RASSF3: variants seen among roughly 807,000 people sequenced by gnomAD.
RASSF3 encodes ras association domain-containing protein 3.
Under a neutral mutation model 19.9 loss-of-function variants are expected in RASSF3, and 19 were observed. The observed-to-expected ratio is 0.96, with a 90% CI of 0.67 to 1.40. RASSF3 has a LOEUF of 1.40. RASSF3 is among the 40% of genes most tolerant of loss of function. The probability of loss-of-function intolerance (pLI) is 0.00; values close to 1 mark genes in which losing one functional copy is unlikely to be tolerated. For missense variants in RASSF3, 306 were observed against 289.8 expected (o/e 1.06, Z -0.41); for synonymous variants, 110 against 104.2 (o/e 1.06, Z -0.34).
At chr12:64,677,590 A>G (rs531981617) in intron 1 of RASSF3, among the ~76,000 whole-genome samples, 1 of 152,246 alleles carries the variant, frequency 6.6e-6, no homozygotes, top group East Asian at 1.9e-4. Flanking sequence ...GCTTACTTTA[A>G]TATCTTAGAA....
chr12:64,631,565 ATG>A (rs1226989229), intron 1 of RASSF3, among the ~76,000 whole-genome samples: 85 of 151,774 alleles, frequency 5.6e-4, no homozygotes, highest in Non-Finnish European at 1.9e-4. Context: ...GTATGTATGT[ATG>A]TATGTATGTA....
At chr12:64,668,218 G>A in intron 1 of RASSF3, among the ~76,000 whole-genome samples, 1 of 151,736 alleles carries the variant, frequency 6.6e-6, no homozygotes, top group East Asian at 1.9e-4. Flanking sequence ...CACTCAGCCA[G>A]CCTGGGGCAC....
chr12:64,607,635 A>G (rs931491027), upstream of RASSF3, among the ~76,000 whole-genome samples: 31 of 152,124 alleles, frequency 2.0e-4, no homozygotes, highest in Non-Finnish European at 4.0e-4. Context: ...TCAGCCTCCC[A>G]AAATGCTGGC....
At chr12:64,680,402 G>A (rs983371806) in intron 1 of RASSF3, among the ~76,000 whole-genome samples, 3 of 151,756 alleles carry the variant, frequency 2.0e-5, no homozygotes, top group Non-Finnish European at 2.9e-5. Flanking sequence ...CAGACACCAC[G>A]CCCCGTGAGG....
intron 1 of RASSF3, among the ~76,000 whole-genome samples, chr12:64,540,200 T>C (rs575638210): frequency 1.3e-5 from 2 of 152,344 alleles, no homozygotes; most frequent in South Asian, 4.1e-4. Context: ...CAATTGGAGT[T>C]CTTTCTTAAG....
intron 2 of RASSF3, among the ~76,000 whole-genome samples, chr12:64,577,941 A>G (rs1430987062): frequency 6.6e-6 from 1 of 151,902 alleles, no homozygotes; most frequent in South Asian, 2.1e-4. Flanking sequence ...TAAAATTGCC[A>G]GGTGTGATGG....
At chr12:64,536,654 A>G (rs1868833601) in intron 1 of RASSF3, among the ~76,000 whole-genome samples, 1 of 152,258 alleles carries the variant, frequency 6.6e-6, no homozygotes, top group Admixed American at 6.5e-5. Flanking sequence ...TAAGGAATTG[A>G]AATGAATCAT....
chr12:64,603,888 G>A (rs1002369799), intron 2 of RASSF3, among the ~76,000 whole-genome samples: 23 of 151,500 alleles, frequency 1.5e-4, no homozygotes, highest in African/African-American at 5.1e-4. Context: ...TTGCTCTGTC[G>A]CCAGGCTGGA....
At chr12:64,541,828 T>G (rs1868939190), downstream of RASSF3, 1 of 395,260 alleles carries the variant, frequency 2.5e-6, no homozygotes, top group South Asian at 1.4e-4. Context: ...GAGCTCAGGT[T>G]CATTCATTGC....
intron 4 of RASSF3, among the ~76,000 whole-genome samples, chr12:64,691,964 C>T (rs1267334931): frequency 1.3e-5 from 2 of 152,182 alleles, no homozygotes; most frequent in Non-Finnish European, 2.9e-5. Context: ...TAACAAAAGT[C>T]TCCAGGCTAA....
intron 1 of RASSF3, among the ~76,000 whole-genome samples, chr12:64,656,321 C>T (rs1307168475): frequency 6.6e-6 from 1 of 152,078 alleles, no homozygotes; most frequent in South Asian, 2.1e-4. Context: ...GGGGCTGTGA[C>T]TACTAGTGGG....
intron 1 of RASSF3, among the ~76,000 whole-genome samples, chr12:64,637,761 A>G (rs1871371745): frequency 6.6e-6 from 1 of 151,674 alleles, no homozygotes; most frequent in Non-Finnish European, 1.5e-5. Context: ...AAACACTCCA[A>G]AGTGTGTGTA....
intron 1 of RASSF3, 35 bp downstream of exon 1, chr12:64,610,778 C>G (rs777691538): frequency 4.1e-6 from 6 of 1,454,950 alleles, no homozygotes. Flanking sequence ...CAGCCCGCGC[C>G]CCAGAGTTCC....
chr12:64,660,616 C>T (rs1872323244), intron 1 of RASSF3, among the ~76,000 whole-genome samples: 1 of 152,184 alleles, frequency 6.6e-6, no homozygotes, highest in Non-Finnish European at 1.5e-5. Flanking sequence ...TAGTGACTAT[C>T]ATTTGCTTTT....
intron 1 of RASSF3, among the ~76,000 whole-genome samples, chr12:64,540,988 GA>G (rs1868924376): frequency 6.6e-6 from 1 of 151,830 alleles, no homozygotes; most frequent in Non-Finnish European, 1.5e-5. Flanking sequence ...GCCCAGGCTG[GA>G]ATTTTTTTTT....
chr12:64,539,016 A>C (rs146213730), intron 1 of RASSF3, among the ~76,000 whole-genome samples: 2 of 152,352 alleles, frequency 1.3e-5, no homozygotes, highest in African/African-American at 4.8e-5. Context: ...ACTGCACTCC[A>C]GCCTGGGTGA....
At position 64,696,110 on chromosome 12, in the gene RASSF3, C is replaced by CCTCCCTCCCTCA. The variant is rs1555217637; in HGVS notation, c.*1209_*1210insACTCCCTCCCTC. On this transcript the variant is annotated 3_prime_UTR_variant, in exon 5 of 5. Coordinates refer to ENST00000542104, the MANE Select transcript of RASSF3 (RefSeq NM_178169.4). ...TCCTCCCTCCCTCCCTCCCTCCCTCCCTCCCTCCCTCCTTCCCTCCCTCTC... is the reference window on the plus strand; with the variant it reads ...TCCTCCCTCCCTCCCTCCCTCCCTCCCTCCCTCCCTCACTCCCTCCCTCCTTCCCTCCCTCTC... 1.2e-4 allele frequency: 12 copies of CCTCCCTCCCTCA among 101,432 alleles called. No individual in the cohort carries two copies. The highest frequency in any genetic ancestry group is 3.6e-4 in the African/African-American group (10 of 27,456). 6.3% of individuals were successfully genotyped at this position (101,432 alleles called of 1,614,324 possible).
intron 1 of RASSF3, among the ~76,000 whole-genome samples, chr12:64,643,445 A>ACCGC (rs1323095718): frequency 6.6e-6 from 1 of 152,034 alleles, no homozygotes; most frequent in African/African-American, 2.4e-5. Flanking sequence ...AGGCAGAACG[A>ACCGC]CCGCTTGAGC....
chr12:64,689,742 C>T (rs115256641), intron 3 of RASSF3, among the ~76,000 whole-genome samples: 77 of 148,608 alleles, frequency 5.2e-4, no homozygotes, highest in African/African-American at 1.8e-3. Flanking sequence ...TTGAAGCTAC[C>T]GGAGCTTATA....
Sources: allele counts gnomAD v4.1 joint callset (sites outside exome capture counted in the v4.1 genomes callset), GRCh38; gene constraint gnomAD v4.1.1; transcripts MANE v1.5; gene names NCBI Gene and HGNC (gene_info 2026-07-23, HGNC 2026-07-21).